Variants in PTPN13 observed in about 807,000 individuals in gnomAD.
The protein encoded by PTPN13 is tyrosine-protein phosphatase non-receptor type 13.
In PTPN13, 191 loss-of-function variants were observed where a neutral mutation model predicts 284.0. The observed-to-expected ratio is 0.67, with a 90% CI of 0.60 to 0.76. The LOEUF (loss-of-function observed/expected upper bound fraction) is 0.76, where lower values mean the gene tolerates loss of function less well. Among genes scored for constraint, PTPN13 ranks in the 30% least tolerant of loss-of-function variants. The pLI, the probability that PTPN13 is intolerant of heterozygous loss-of-function variation, is 0.00. For synonymous variants in PTPN13, 986 were observed against 1,022.3 expected (o/e 0.96, Z 0.68); for missense variants, 2,797 against 2,939.9 (o/e 0.95, Z 1.12).
chr4:86,672,664 C>A, intron 3 of PTPN13, 121 bp downstream of exon 3: 5 of 711,650 alleles, frequency 7.0e-6, no homozygotes, highest in South Asian at 5.5e-5. Context: ...ACCGTGTATT[C>A]CAAGAAGTTC....
At chr4:86,721,694 C>T (rs1279839471) in intron 9 of PTPN13, among the ~76,000 whole-genome samples, 1 of 114,278 alleles carries the variant, frequency 8.8e-6, no homozygotes, top group Non-Finnish European at 1.8e-5. Flanking sequence ...TCTCCCTCTC[C>T]CCCGCTCCCT....
intron 2 of PTPN13, among the ~76,000 whole-genome samples, chr4:86,663,250 A>G (rs1216542850): frequency 6.6e-6 from 1 of 152,246 alleles, no homozygotes; most frequent in Non-Finnish European, 1.5e-5. Context: ...AATTTATGGT[A>G]TATAAGTTTT....
At position 86,772,776 on chromosome 4, in the gene PTPN13, A is replaced by G; in HGVS notation, c.5169-2A>G. 6.2e-7 allele frequency: 1 copy of G among 1,600,586 alleles called. No individual in the cohort carries two copies. The highest frequency in any genetic ancestry group is 2.2e-5 in the East Asian group (1 of 44,700). On this transcript the variant is annotated splice_acceptor_variant, in intron 31 of 47. Coordinates refer to ENST00000411767, the MANE Select transcript of PTPN13 (RefSeq NM_080683.3). LOFTEE classifies it high-confidence loss of function. ...AATAGTCTTACTTCTTTGTCTCTGTAGTAATCCTTCCCCTCTACCACCGGA... is the reference window on the plus strand; with the variant it reads ...AATAGTCTTACTTCTTTGTCTCTGTGGTAATCCTTCCCCTCTACCACCGGA...
At position 86,698,598 on chromosome 4, in the gene PTPN13, T is replaced by G. The variant is rs375162085; in HGVS notation, c.635-2643T>G. On this transcript the variant is annotated intron_variant, in intron 6 of 47. Transcript: ENST00000411767. ...AGGAAGAAAAACCAAAGACTAAGAA[T>G]GAGCAGTCTGACAGGTAGGAGGAAA... Among the ~76,000 whole-genome samples the G allele has an allele frequency of 9.2e-5, 14 of 152,192 alleles. 1 individual carries two copies. In the East Asian group the frequency reaches 2.7e-3, roughly 29 times the overall value.
intron 1 of PTPN13, among the ~76,000 whole-genome samples, chr4:86,612,216 A>C (rs143341134): frequency 6.6e-6 from 1 of 152,354 alleles, no homozygotes; most frequent in East Asian, 1.9e-4. Flanking sequence ...AATTTATGAT[A>C]TATAGCATCC....
intron 1 of PTPN13, among the ~76,000 whole-genome samples, chr4:86,603,000 A>T (rs565781619): frequency 6.6e-6 from 1 of 152,272 alleles, no homozygotes; most frequent in South Asian, 2.1e-4. Context: ...GCCTGGCCTC[A>T]AACTACTCAT....
chr4:86,621,873 C>G (rs2148665808), intron 1 of PTPN13, among the ~76,000 whole-genome samples: 1 of 152,130 alleles, frequency 6.6e-6, no homozygotes, highest in Admixed American at 6.6e-5. Flanking sequence ...CTTTTGCTCC[C>G]TCTCTCCTCA....
At chr4:86,727,458 T>A (rs1252746026) in intron 10 of PTPN13, among the ~76,000 whole-genome samples, 2 of 149,574 alleles carry the variant, frequency 1.3e-5, no homozygotes, top group Non-Finnish European at 3.0e-5. Flanking sequence ...TTTTTTTGGT[T>A]GGTAGGCTAT....
At chr4:86,714,607 A>G (rs151286406) in intron 7 of PTPN13, among the ~76,000 whole-genome samples, 5 of 152,148 alleles carry the variant, frequency 3.3e-5, no homozygotes, top group Non-Finnish European at 7.4e-5. Flanking sequence ...AGAATACTGG[A>G]TACTCATTCT....
chr4:86,708,717 G>T (rs1174828312), intron 7 of PTPN13, among the ~76,000 whole-genome samples: 1 of 151,956 alleles, frequency 6.6e-6, no homozygotes. Flanking sequence ...TTTCATCCCA[G>T]TCCCCTTGTC....
At chr4:86,812,197 C>T (rs1264155296) in intron 47 of PTPN13, among the ~76,000 whole-genome samples, 1 of 148,670 alleles carries the variant, frequency 6.7e-6, no homozygotes, top group Non-Finnish European at 1.5e-5. Context: ...GTAGTCCCAG[C>T]TACTTGGGAG....
chr4:86,715,033 A>G (rs1237196059), intron 7 of PTPN13, among the ~76,000 whole-genome samples: 1 of 152,180 alleles, frequency 6.6e-6, no homozygotes, highest in African/African-American at 2.4e-5. Flanking sequence ...GGTAAAGAAG[A>G]AGGGGAAGAG....
intron 42 of PTPN13, among the ~76,000 whole-genome samples, chr4:86,800,090 G>A (rs572825462): frequency 1.6e-4 from 24 of 151,062 alleles, no homozygotes; most frequent in African/African-American, 5.6e-4. Flanking sequence ...CACCCACCTC[G>A]GCCTCCCAAA....
chr4:86,693,704 G>A (rs761699599), intron 6 of PTPN13, 30 bp downstream of exon 6: 4 of 1,442,312 alleles, frequency 2.8e-6, no homozygotes, highest in Non-Finnish European at 3.8e-6. Context: ...AAATGTCTAG[G>A]CTTTAACCTT....
At chr4:86,789,134 C>G (rs961887869) in intron 40 of PTPN13, among the ~76,000 whole-genome samples, 1 of 152,154 alleles carries the variant, frequency 6.6e-6, no homozygotes, top group Non-Finnish European at 1.5e-5. Context: ...GAAAGCTAAA[C>G]CTAAAAAGAT....
chr4:86,639,934 G>A (rs1723572087), intron 2 of PTPN13, among the ~76,000 whole-genome samples: 1 of 152,128 alleles, frequency 6.6e-6, no homozygotes, highest in Admixed American at 6.6e-5. Flanking sequence ...AGGACATTGT[G>A]ATGCATGCTA....
chr4:86,668,331 G>C (rs552582022), intron 2 of PTPN13, among the ~76,000 whole-genome samples: 1 of 152,158 alleles, frequency 6.6e-6, no homozygotes, highest in Middle Eastern at 3.4e-3. Flanking sequence ...CTTTTAGTTA[G>C]ACAAGATGAG....
chr4:86,671,416 C>G (rs1727709047), intron 2 of PTPN13, among the ~76,000 whole-genome samples: 1 of 152,068 alleles, frequency 6.6e-6, no homozygotes, highest in South Asian at 2.1e-4. Flanking sequence ...TAGCTATTAT[C>G]TTGAGTCTAT....
intron 30 of PTPN13, among the ~76,000 whole-genome samples, chr4:86,770,725 T>C (rs1739894510): frequency 1.3e-5 from 2 of 152,006 alleles, no homozygotes; most frequent in African/African-American, 4.8e-5. Flanking sequence ...GTATAGAAAA[T>C]TACAAAGTAA....
Sources: allele counts gnomAD v4.1 joint callset (sites outside exome capture counted in the v4.1 genomes callset), GRCh38; gene constraint gnomAD v4.1.1; transcripts MANE v1.5; gene names NCBI Gene and HGNC (gene_info 2026-07-23, HGNC 2026-07-21).